Variants in ANK3 observed in about 807,000 individuals in gnomAD.
The protein encoded by ANK3 is ankyrin-3.
Under a neutral mutation model 370.9 loss-of-function variants are expected in ANK3, and 57 were observed. The ratio of observed to expected loss-of-function variants is 0.15; its 90% CI spans 0.12 to 0.19. The LOEUF is 0.19. ANK3 is among the 10% of genes least tolerant of loss of function. The pLI, the probability that ANK3 is intolerant of heterozygous loss-of-function variation, is 1.00. For synonymous variants in ANK3, 1,929 were observed against 1,946.3 expected, an observed-to-expected ratio of 0.99 and a Z score of 0.23; for missense variants, 4,439 against 5,302.1, an observed-to-expected ratio of 0.84 and a Z score of 5.06.
At chr10:60,367,315 C>T (rs1453202173) in intron 1 of ANK3, among the ~76,000 whole-genome samples, 1 of 152,118 alleles carries the variant, frequency 6.6e-6, no homozygotes, top group Non-Finnish European at 1.5e-5. Context: ...AAAATTGAAA[C>T]AGAATATTCT....
chr10:60,365,476 A>T (rs1327674532), intron 1 of ANK3, among the ~76,000 whole-genome samples: 5 of 152,230 alleles, frequency 3.3e-5, no homozygotes, highest in African/African-American at 1.2e-4. Flanking sequence ...ATTATATGAT[A>T]TTGCATGACA....
chr10:60,075,340 T>C lies in ANK3; in HGVS notation c.5541A>G (p.Lys1847=). 1 of 1,614,168 alleles carries C rather than the reference T, an allele frequency of 6.2e-7. No homozygotes were observed. The highest frequency in any genetic ancestry group is 8.5e-7 in the Non-Finnish European group (1 of 1,180,018). Residue 1847 remains lysine (K), a synonymous_variant, in exon 37 of 44, where the codon AAA becomes AAG. Transcript: ENST00000280772. The part of the protein sequence containing the change: ...KKLPDSNSFT[K]SAAALLSPIK... ...TGGGTGACAGCAAGGCTGCTGCTGA[T>C]TTTGTAAATGAATTAGAGTCTGGAA...
At chr10:60,258,515 G>A (rs2097765928) in intron 7 of ANK3, among the ~76,000 whole-genome samples, 1 of 152,222 alleles carries the variant, frequency 6.6e-6, no homozygotes, top group Non-Finnish European at 1.5e-5. Context: ...ACTGGGACCT[G>A]CTTTACTGCT....
intron 4 of ANK3, among the ~76,000 whole-genome samples, chr10:60,270,905 G>A (rs2097966180): frequency 6.6e-6 from 1 of 151,986 alleles, no homozygotes; most frequent in Non-Finnish European, 1.5e-5. Flanking sequence ...GTAGTTTAAT[G>A]TTCAGAATAC....
At chr10:60,478,833 T>C (rs1433043375) in intron 2 of ANK3, among the ~76,000 whole-genome samples, 2 of 152,104 alleles carry the variant, frequency 1.3e-5, no homozygotes, top group Admixed American at 6.5e-5. Flanking sequence ...TTTCCTCACA[T>C]AAAATAAGGA....
intron 16 of ANK3, among the ~76,000 whole-genome samples, chr10:60,191,938 T>C (rs2096489349): frequency 6.6e-6 from 1 of 150,794 alleles, no homozygotes; most frequent in Non-Finnish European, 1.5e-5. Context: ...AGACCGAGTC[T>C]TGCTCTGTCA....
At chr10:60,277,359 A>G (rs965500227) in intron 4 of ANK3, among the ~76,000 whole-genome samples, 2 of 152,244 alleles carry the variant, frequency 1.3e-5, no homozygotes, top group African/African-American at 4.8e-5. Context: ...CTTAAAAGAT[A>G]AAACTGGAAA....
At chr10:60,349,507 AT>A (rs34183574) in intron 1 of ANK3, among the ~76,000 whole-genome samples, 16 of 151,306 alleles carry the variant, frequency 1.1e-4, no homozygotes, top group African/African-American at 2.7e-4. Flanking sequence ...CTAGAACCAC[AT>A]TTTTTTTTAA....
intron 2 of ANK3, among the ~76,000 whole-genome samples, chr10:60,504,823 T>C (rs2075891740): frequency 6.6e-6 from 1 of 152,104 alleles, no homozygotes; most frequent in Non-Finnish European, 1.5e-5. Context: ...GTAGAAATTG[T>C]TCTAAAATTT....
intron 2 of ANK3, among the ~76,000 whole-genome samples, chr10:60,591,999 A>G (rs56226420): frequency 0.056 from 8,495 of 152,134 alleles, 353 homozygotes; most frequent in Admixed American, 0.13. Context: ...AATAAATAAG[A>G]CCTACTATTT....
chr10:60,645,348 T>G (rs1338060331), intron 1 of ANK3, among the ~76,000 whole-genome samples: 1 of 152,186 alleles, frequency 6.6e-6, no homozygotes, highest in African/African-American at 2.4e-5. Context: ...CATGAGTAAT[T>G]TTTCTCAGAA....
intron 2 of ANK3, among the ~76,000 whole-genome samples, chr10:60,400,416 T>C (rs1365767453): frequency 5.9e-5 from 9 of 152,218 alleles, no homozygotes; most frequent in Non-Finnish European, 1.3e-4. Context: ...GAAATCATGC[T>C]TATTTAAAAA....
At chr10:60,362,980 C>T (rs1361359116) in intron 1 of ANK3, among the ~76,000 whole-genome samples, 3 of 151,056 alleles carry the variant, frequency 2.0e-5, no homozygotes, top group African/African-American at 7.3e-5. Flanking sequence ...TCTGTTCATC[C>T]ATTGGATATT....
chr10:60,129,230 T>C (rs1344531277), intron 25 of ANK3, among the ~76,000 whole-genome samples: 6 of 152,302 alleles, frequency 3.9e-5, no homozygotes, highest in Non-Finnish European at 5.9e-5. Flanking sequence ...CACCTTAGAA[T>C]TGTCAGGGGA....
chr10:60,223,660 C>T (rs2097096427), intron 8 of ANK3, among the ~76,000 whole-genome samples: 1 of 150,542 alleles, frequency 6.6e-6, no homozygotes, highest in Admixed American at 6.6e-5. Flanking sequence ...TCCTTGTTAT[C>T]CTTTTTGTTT....
chr10:60,304,495 T>A (rs2044542088), intron 1 of ANK3, among the ~76,000 whole-genome samples: 1 of 151,764 alleles, frequency 6.6e-6, no homozygotes, highest in Non-Finnish European at 1.5e-5. Flanking sequence ...ATACAAAAAT[T>A]AGCTGGGTGT....
Position 60,063,758 on chromosome 10 carries a change from T to G in ANK3, c.12451+399A>C, listed in dbSNP as rs115111431. 4.0e-3 allele frequency among the ~76,000 whole-genome samples: 612 copies of G among 152,306 alleles called. 4 individuals are homozygous for G. Among genetic ancestry groups the G allele is most frequent in the African/African-American group, 0.014 (593 of 41,570 alleles). On this transcript the variant is annotated intron_variant, in intron 39 of 43. Coordinates refer to ENST00000280772, the MANE Select transcript of ANK3 (RefSeq NM_020987.5). Reference sequence around the variant, plus strand: ...TAGAGCCAACCAAGCTGAATAAAACTATTTGCTCCCCTAATATGATCCTGT... The same window carrying G: ...TAGAGCCAACCAAGCTGAATAAAACGATTTGCTCCCCTAATATGATCCTGT...
chr10:60,134,462 C>G, intron 24 of ANK3, 89 bp from the exon 25 acceptor site: 1 of 890,238 alleles, frequency 1.1e-6, no homozygotes, highest in East Asian at 2.8e-5. Flanking sequence ...TAAGAACAGG[C>G]AAGATGGCTA....
At chr10:60,251,814 A>G (rs963496649) in intron 7 of ANK3, among the ~76,000 whole-genome samples, 1 of 152,200 alleles carries the variant, frequency 6.6e-6, no homozygotes, top group African/African-American at 2.4e-5. Flanking sequence ...AAAGACCTGC[A>G]ATAAGTAACT....
Sources: gnomAD v4.1 joint callset for allele counts (sites outside exome capture counted in the v4.1 genomes callset) on GRCh38, gnomAD v4.1.1 for gene constraint, MANE v1.5 for transcripts, NCBI Gene and HGNC (gene_info 2026-07-23, HGNC 2026-07-21) for gene names.